LRP1B: variants seen among roughly 807,000 people sequenced by gnomAD.
LRP1B encodes the protein low-density lipoprotein receptor-related protein 1B.
LRP1B carries 217 observed loss-of-function variants against 556.6 expected under a neutral mutation model. The ratio of observed to expected loss-of-function variants is 0.39; its 90% confidence interval spans 0.35 to 0.44. The LOEUF is 0.44. Ranked by LOEUF, LRP1B falls within the 20% of genes least tolerant of loss-of-function variation. The probability of loss-of-function intolerance (pLI) is 1.00; values close to 1 mark genes in which losing one functional copy is unlikely to be tolerated. For missense variants in LRP1B, 5,053 were observed against 5,620.8 expected (o/e 0.90, Z 3.23); for synonymous variants, 2,047 against 1,865.8 (o/e 1.10, Z -2.50).
chr2:141,998,595 C>T (rs1185480330), intron 1 of LRP1B, among the ~76,000 whole-genome samples: 6 of 152,180 alleles, frequency 3.9e-5, no homozygotes, highest in Admixed American at 2.6e-4. Flanking sequence ...ATGGACGTGT[C>T]TATGACATAG....
intron 34 of LRP1B, among the ~76,000 whole-genome samples, chr2:140,769,637 A>G (rs144987518): frequency 2.0e-3 from 299 of 151,962 alleles, no homozygotes; most frequent in African/African-American, 6.7e-3. Flanking sequence ...AAATCTCCCA[A>G]TTGGTGATGA....
intron 1 of LRP1B, among the ~76,000 whole-genome samples, chr2:141,977,794 G>C (rs1264659333): frequency 6.6e-6 from 1 of 152,064 alleles, no homozygotes; most frequent in African/African-American, 2.4e-5. Flanking sequence ...ATACTGTACA[G>C]TGTGAAGTGA....
chr2:140,941,454 G>T (rs929966570), intron 20 of LRP1B, among the ~76,000 whole-genome samples: 3 of 152,102 alleles, frequency 2.0e-5, no homozygotes, highest in Non-Finnish European at 2.9e-5. Flanking sequence ...TGTGAGGACT[G>T]GTCCCCAGAA....
At position 142,105,847 on chromosome 2, in the gene LRP1B, A is replaced by G. The variant is rs545246820; in HGVS notation, c.82+24801T>C. 7.9e-5 allele frequency among the ~76,000 whole-genome samples: 12 copies of G among 152,272 alleles called. No homozygotes were observed. The East Asian group carries it at 2.3e-3, about 29-fold the overall frequency. ...TAATGTCTAAATTTACATGTTCCTT[A>G]AGGTTGTATACTCCTCTGATAATGT... On this transcript the variant is annotated intron_variant, in intron 1 of 90. Transcript: ENST00000389484.
chr2:141,404,061 A>G (rs1238782202), intron 3 of LRP1B, among the ~76,000 whole-genome samples: 1 of 152,194 alleles, frequency 6.6e-6, no homozygotes, highest in African/African-American at 2.4e-5. Flanking sequence ...CAAGAAACTC[A>G]AAAGGTTCCA....
chr2:141,183,538 A>T (rs1357451195), intron 7 of LRP1B, among the ~76,000 whole-genome samples: 1 of 152,056 alleles, frequency 6.6e-6, no homozygotes, highest in Non-Finnish European at 1.5e-5. Flanking sequence ...CTCCTGGCAG[A>T]TGGCCTGCTC....
chr2:141,583,066 G>C (rs779861271), intron 2 of LRP1B, among the ~76,000 whole-genome samples: 1 of 151,946 alleles, frequency 6.6e-6, no homozygotes, highest in Non-Finnish European at 1.5e-5. Context: ...TGGATTGCCT[G>C]ACCTCGTGAT....
chr2:140,666,242 C>G (rs1685266444), intron 41 of LRP1B, among the ~76,000 whole-genome samples: 1 of 151,810 alleles, frequency 6.6e-6, no homozygotes, highest in Admixed American at 6.6e-5. Flanking sequence ...ATCTATCTGA[C>G]TTAGATTCCC....
At chr2:141,366,440 G>A (rs569729521) in intron 3 of LRP1B, among the ~76,000 whole-genome samples, 6 of 152,242 alleles carry the variant, frequency 3.9e-5, no homozygotes, top group Admixed American at 3.9e-4. Context: ...AATAAAATAC[G>A]TCTATTGTTT....
intron 43 of LRP1B, among the ~76,000 whole-genome samples, chr2:140,551,395 T>C (rs1448890488): frequency 6.6e-6 from 1 of 151,868 alleles, no homozygotes; most frequent in African/African-American, 2.4e-5. Context: ...TGGTGCAAAA[T>C]CCAACAACAA....
At chr2:140,535,423 A>G (rs1690906185) in intron 46 of LRP1B, among the ~76,000 whole-genome samples, 3 of 152,152 alleles carry the variant, frequency 2.0e-5, no homozygotes, top group African/African-American at 7.2e-5. Context: ...GACAAATTAC[A>G]TTAGACTCTC....
At chr2:140,886,447 C>T in intron 23 of LRP1B, 112 bp from the exon 24 acceptor site, 1 of 609,128 alleles carries the variant, frequency 1.6e-6, no homozygotes, top group Non-Finnish European at 2.7e-6. Flanking sequence ...AATTCTCTGT[C>T]TTAAAACAGC....
intron 5 of LRP1B, among the ~76,000 whole-genome samples, chr2:141,231,768 TTCTC>T (rs1485929692): frequency 6.6e-6 from 1 of 152,160 alleles, no homozygotes. Context: ...CCCCAGGAAA[TTCTC>T]TCAAGTCATA....
chr2:141,566,694 G>T (rs2105256339), intron 2 of LRP1B, among the ~76,000 whole-genome samples: 1 of 152,068 alleles, frequency 6.6e-6, no homozygotes, highest in East Asian at 1.9e-4. Flanking sequence ...TATTCTTACT[G>T]ATTATAAATA....
chr2:140,953,599 C>T (rs1337369711), intron 18 of LRP1B, among the ~76,000 whole-genome samples: 1 of 152,162 alleles, frequency 6.6e-6, no homozygotes, highest in Non-Finnish European at 1.5e-5. Context: ...GCTGAACAGG[C>T]TTGACTTTGG....
chr2:141,337,295 C>G (rs1407593130), intron 3 of LRP1B, among the ~76,000 whole-genome samples: 1 of 152,138 alleles, frequency 6.6e-6, no homozygotes, highest in Non-Finnish European at 1.5e-5. Flanking sequence ...TAATAGTTGA[C>G]AATGTTGAAT....
chr2:140,935,800 T>C (rs1178205612), intron 20 of LRP1B, among the ~76,000 whole-genome samples: 2 of 151,996 alleles, frequency 1.3e-5, no homozygotes, highest in Non-Finnish European at 2.9e-5. Flanking sequence ...CTCAGTATGA[T>C]TATCAACAGA....
At chr2:141,044,747 A>C (rs1472648406) in intron 11 of LRP1B, among the ~76,000 whole-genome samples, 4 of 147,710 alleles carry the variant, frequency 2.7e-5, no homozygotes, top group Non-Finnish European at 6.1e-5. Flanking sequence ...TTAGAATGGC[A>C]ATCATTAAAA....
chr2:141,731,360 G>A (rs1211658499), intron 2 of LRP1B, among the ~76,000 whole-genome samples: 1 of 152,060 alleles, frequency 6.6e-6, no homozygotes, highest in Non-Finnish European at 1.5e-5. Flanking sequence ...ACAGCTGCTG[G>A]CTTAGGCCCT....
Sources: allele counts gnomAD v4.1 joint callset (sites outside exome capture counted in the v4.1 genomes callset), GRCh38; gene constraint gnomAD v4.1.1; transcripts MANE v1.5; gene names NCBI Gene and HGNC (gene_info 2026-07-23, HGNC 2026-07-21).